The following EML2 variants were observed in gnomAD, a reference collection of about 807,000 sequenced individuals.
EML2 encodes the protein EMAP like 2.
A neutral mutation model predicts 84.7 loss-of-function variants in EML2; 59 were observed. That is an observed-to-expected ratio of 0.70 (90% CI 0.56 to 0.86). EML2 has a LOEUF of 0.86. EML2 is among the 40% of genes least tolerant of loss of function. The probability of loss-of-function intolerance (pLI) is 0.00; values close to 1 mark genes in which losing one functional copy is unlikely to be tolerated. For synonymous variants in EML2, 352 were observed against 348.9 expected, an observed-to-expected ratio of 1.01 and a Z score of -0.10; for missense variants, 818 against 855.6, an observed-to-expected ratio of 0.96 and a Z score of 0.55.
rs1015309987 is a variant in EML2, at chr19:45,621,069, C to T, written c.1122+138G>A. ...GGTTGCTGGATCCTGGGAAGGGGTC[C>T]TGGGTCAGGGCCAGGTCAGAGAAGG... On this transcript the variant is annotated intron_variant, in intron 11 of 18. Transcript: ENST00000245925. 2.1e-5 allele frequency: 28 copies of T among 1,345,976 alleles called. No homozygotes were observed. In the Admixed American group the frequency reaches 3.6e-4, roughly 17 times the overall value. The allele number at this position is 1,345,976 out of a possible 1,614,324, so 83.4% of individuals were successfully genotyped here. A position where few individuals can be genotyped will look rare whatever the true frequency, so the allele number is the denominator to read the frequency against.
Position 45,621,646 on chromosome 19 carries a change from T to A in EML2, c.842-9A>T. On this transcript the variant is annotated splice_polypyrimidine_tract_variant and intron_variant, in intron 9 of 18. Transcript: ENST00000245925. ...TGTGATACGGTTCCCACCTGCAGGG[T>A]GGCCAGGGGCAGGGTCAACAGGGAG... 6.2e-7 allele frequency: 1 copy of A among 1,605,056 alleles called. No homozygotes were observed. The highest frequency in any genetic ancestry group is 8.5e-7 in the Non-Finnish European group (1 of 1,179,076).
Position 45,630,040 on chromosome 19 carries a change from C to T in EML2, c.517G>A (p.Gly173Ser), listed in dbSNP as rs759798171. ...TCATCCACTGCACACAGCAGGTTGC[C>T]TCCATTCTAAAGAGGAGGAGAGAGG... is the stretch of plus-strand genomic sequence containing the variant. ...CCVGFSKSNG[G>S]NLLCAVDESN... The change falls in exon 7 of 19, where the codon GGC becomes AGC. Residue 173 changes from glycine (G) to serine (S), a missense_variant. Coordinates refer to ENST00000245925, the MANE Select transcript of EML2 (RefSeq NM_012155.4). 3.7e-6 allele frequency: 6 copies of T among 1,612,114 alleles called. No homozygotes were observed. Among genetic ancestry groups the T allele is most frequent in the East Asian group, 2.2e-5 (1 of 44,836 alleles).
At chr19:45,630,797 G>A (rs904555113) in intron 6 of EML2, among the ~76,000 whole-genome samples, 2 of 152,158 alleles carry the variant, frequency 1.3e-5, no homozygotes, top group African/African-American at 2.4e-5. Flanking sequence ...AATGACTGAT[G>A]TAGGTGAAAT....
Position 45,616,530 on chromosome 19 carries a change from G to C in EML2, c.1440C>G (p.His480Gln), listed in dbSNP as rs1259378437. ...CCGTGTACACGTACACCAAGTTGTC[G>C]TGGGAGCCCACGGCCAGGTACGCCC... ...PDGAYLAVGS[H>Q]DNLVYVYTVD... The change falls in exon 15 of 19, where the codon CAC (histidine) becomes CAG (glutamine). Residue 480 changes from histidine (H) to glutamine (Q), a missense_variant. Physicochemically the swap from His to Gln is conservative, Grantham distance 24. Coordinates refer to ENST00000245925, the MANE Select transcript of EML2 (RefSeq NM_012155.4). 3 of 1,610,750 alleles carry C rather than the reference G, an allele frequency of 1.9e-6. No individual in the cohort carries two copies. The African/African-American group carries it at 4.0e-5, about 22-fold the overall frequency.
chr19:45,637,759 C>G (rs570751029), intron 3 of EML2, among the ~76,000 whole-genome samples: 16 of 148,926 alleles, frequency 1.1e-4, no homozygotes, highest in Non-Finnish European at 2.2e-4. Context: ...TCACTGCAGC[C>G]TCTGCCTCCT....
upstream of EML2, chr19:45,640,416 TTTG>T: frequency 7.5e-6 from 1 of 133,888 alleles, no homozygotes; most frequent in Admixed American, 7.5e-5. Context: ...TTTTTTGTTT[TTTG>T]TTTTTTGTTT....
chr19:45,616,036 A>C (rs1971017580), intron 15 of EML2, 147 bp from the exon 16 acceptor site: 1 of 663,226 alleles, frequency 1.5e-6, no homozygotes, highest in Non-Finnish European at 2.7e-6. Context: ...AGGCCTTTGG[A>C]GTATGGGGGC....
intron 9 of EML2, 143 bp from the exon 10 acceptor site, chr19:45,621,780 T>C: frequency 1.0e-6 from 1 of 986,532 alleles, no homozygotes; most frequent in Non-Finnish European, 1.5e-6. Flanking sequence ...GGAGTCTCTC[T>C]GTTGCCCAGG....
chr19:45,631,694 C>T (rs1375393346), intron 6 of EML2, among the ~76,000 whole-genome samples: 3 of 151,860 alleles, frequency 2.0e-5, no homozygotes, highest in Non-Finnish European at 4.4e-5. Context: ...AGGCATGAAC[C>T]GCATCTGACC....
In EML2 at chr19:45,626,849, G is replaced by C. The variant is rs924482892; in HGVS notation, c.607-10C>G. ...CAGCCTCATTGGAGCACTTTGGGGG[G>C]TGGGGGAGATTCTGAATGAGGACCT... On this transcript the variant is annotated splice_polypyrimidine_tract_variant and intron_variant, in intron 7 of 18. Coordinates refer to ENST00000245925, the MANE Select transcript of EML2 (RefSeq NM_012155.4). 1 of 1,604,084 alleles carries C rather than the reference G, an allele frequency of 6.2e-7. No homozygotes were observed.
At chr19:45,624,141 C>T (rs1364078717) in intron 9 of EML2, among the ~76,000 whole-genome samples, 1 of 152,236 alleles carries the variant, frequency 6.6e-6, no homozygotes, top group Non-Finnish European at 1.5e-5. Context: ...GCTGAAACAA[C>T]CATTCATTCA....
upstream of EML2, chr19:45,643,638 G>T (rs542307803): frequency 2.0e-6 from 3 of 1,536,136 alleles, no homozygotes; most frequent in Admixed American, 3.9e-5. Flanking sequence ...TGGAAGTAAA[G>T]GTGGTAGCTT....
intron 3 of EML2, among the ~76,000 whole-genome samples, chr19:45,635,723 G>A (rs1007485161): frequency 9.3e-5 from 14 of 151,110 alleles, no homozygotes; most frequent in African/African-American, 3.4e-4. Context: ...CTCCTGAGTA[G>A]CTGGGATTAT....
chr19:45,625,333 C>G (rs1403017544), intron 8 of EML2, among the ~76,000 whole-genome samples: 1 of 152,170 alleles, frequency 6.6e-6, no homozygotes, highest in Admixed American at 6.5e-5. Context: ...CTCCACCTCC[C>G]GGGTTCAAGC....
chr19:45,609,651 T>A lies in EML2; in HGVS notation c.*12A>T. ...AATTCCTGCCCTGACACCTGACTCT[T>A]CCCTGGCCGCATCAGACCACCCGCC... On this transcript the variant is annotated 3_prime_UTR_variant, in exon 19 of 19. Transcript: ENST00000245925. 1 of 1,596,324 alleles carries A rather than the reference T, an allele frequency of 6.3e-7. No individual in the cohort carries two copies. The highest frequency in any genetic ancestry group is 8.5e-7 in the Non-Finnish European group (1 of 1,173,022).
In EML2 at chr19:45,609,723, G is replaced by C; in HGVS notation, c.1890C>G (p.Asp630Glu). The change falls in exon 19 of 19, where the codon GAC becomes GAG. Residue 630 changes from aspartate to glutamate, a missense_variant. By Grantham distance (45) the Asp-to-Glu change is conservative (BLOSUM62 2). Coordinates refer to ENST00000245925, the MANE Select transcript of EML2 (RefSeq NM_012155.4). ...HVTNVAFLWD[D>E]SMALTTGGKD... ...TGCCCCCTGTGGTCAGGGCCATGCT[G>C]TCATCCCACAAGAAGGCCACATTTG... is the stretch of plus-strand genomic sequence containing the variant. The C allele has an allele frequency of 6.2e-7, 1 of 1,613,700 alleles. No homozygotes were observed. The highest frequency in any genetic ancestry group is 1.7e-4 in the Middle Eastern group (1 of 6,052).
rs1970288979 is a variant in EML2, at chr19:45,609,743, C to T, written c.1870G>A (p.Val624Met). ...ATGCTGTCATCCCACAAGAAGGCCACATTTGTCACATGGCTGCTGTGTCCA... is the reference window on the plus strand; with the variant it reads ...ATGCTGTCATCCCACAAGAAGGCCATATTTGTCACATGGCTGCTGTGTCCA... ...YGGHSSHVTNVAFLWDDSMAL... is the reference protein window; with the variant it reads ...YGGHSSHVTNMAFLWDDSMAL... Residue 624 changes from valine to methionine, a missense_variant, in exon 19 of 19, where the codon GTG becomes ATG. Coordinates refer to ENST00000245925, the MANE Select transcript of EML2 (RefSeq NM_012155.4). 1 of 1,613,414 alleles carries T rather than the reference C, an allele frequency of 6.2e-7. No individual in the cohort carries two copies.
intron 18 of EML2, among the ~76,000 whole-genome samples, chr19:45,610,168 C>CGG (rs1600047212): frequency 6.9e-6 from 1 of 145,682 alleles, no homozygotes; most frequent in Non-Finnish European, 1.5e-5. Context: ...GAGGCCGAGG[C>CGG]AGGCGGATCA....
chr19:45,632,979 G>A lies in EML2; in HGVS notation c.400-8C>T, dbSNP rs776702035. 2 of 1,612,908 alleles carry A rather than the reference G, an allele frequency of 1.2e-6. No homozygotes were observed. Among genetic ancestry groups the A allele is most frequent in the South Asian group, 1.1e-5 (1 of 90,832 alleles). On this transcript the variant is annotated splice_region_variant and splice_polypyrimidine_tract_variant and intron_variant, in intron 5 of 18. Coordinates refer to ENST00000245925, the MANE Select transcript of EML2 (RefSeq NM_012155.4). ...CACGTGGGGCGGCAGCGGCTGCAGG[G>A]AAGAGAGGCTTGTTACCTTGGGGGT...
Sources: allele counts gnomAD v4.1 joint callset (sites outside exome capture counted in the v4.1 genomes callset), GRCh38; gene constraint gnomAD v4.1.1; transcripts MANE v1.5; gene names NCBI Gene and HGNC (gene_info 2026-07-23, HGNC 2026-07-21).